The following PPARGC1A variants were observed in gnomAD, a reference collection of about 807,000 sequenced individuals.
The protein encoded by PPARGC1A is PPARG coactivator 1 alpha, also known as peroxisome proliferator-activated receptor gamma coactivator 1-alpha.
A neutral mutation model predicts 88.7 loss-of-function variants in PPARGC1A; 25 were observed. The ratio of observed to expected loss-of-function variants is 0.28; its 90% confidence interval spans 0.21 to 0.39. The LOEUF is 0.39. Among genes scored for constraint, PPARGC1A ranks in the 10% least tolerant of loss-of-function variants. The pLI, the probability that PPARGC1A is intolerant of heterozygous loss-of-function variation, is 1.00. For missense variants in PPARGC1A, 880 were observed against 968.7 expected, an observed-to-expected ratio of 0.91 and a Z score of 1.22; for synonymous variants, 363 against 355.6, an observed-to-expected ratio of 1.02 and a Z score of -0.24.
At chr4:24,228,417 T>C in the PPARGC1A span, among the ~76,000 whole-genome samples, 10 of 152,232 alleles carry the variant, frequency 6.6e-5, no homozygotes, top group Admixed American at 4.6e-4. Context: ...CCAGATCTTC[T>C]CTCTTATAAG....
chr4:24,411,263 A>G, the PPARGC1A span, among the ~76,000 whole-genome samples: 1 of 152,232 alleles, frequency 6.6e-6, no homozygotes, highest in Non-Finnish European at 1.5e-5. Context: ...TTTGGATAGC[A>G]GCTTCCCATT....
At chr4:23,928,761 C>CAAAAAAAAAAAA in the PPARGC1A span, among the ~76,000 whole-genome samples, 1 of 8,420 alleles carries the variant, frequency 1.2e-4, no homozygotes, top group African/African-American at 3.4e-4. Flanking sequence ...CACAAAAAAA[C>CAAAAAAAAAAAA]AAAAAAAACA....
At chr4:24,216,109 C>T in the PPARGC1A span, among the ~76,000 whole-genome samples, 1 of 150,846 alleles carries the variant, frequency 6.6e-6, no homozygotes, top group East Asian at 2.0e-4. Flanking sequence ...GGAACAACCT[C>T]ACAACAAAGG....
chr4:24,288,408 A>C, the PPARGC1A span, among the ~76,000 whole-genome samples: 2 of 152,150 alleles, frequency 1.3e-5, no homozygotes, highest in Admixed American at 1.3e-4. Flanking sequence ...CCCTCAGGAG[A>C]TTACAAAGTC....
intron 10 of PPARGC1A, among the ~76,000 whole-genome samples, chr4:23,805,746 A>G (rs1245614935): frequency 6.6e-6 from 1 of 152,138 alleles, no homozygotes; most frequent in Non-Finnish European, 1.5e-5. Context: ...TTTTTTTTTA[A>G]TGAGCCTTTT....
the PPARGC1A span, among the ~76,000 whole-genome samples, chr4:24,251,602 C>T: frequency 6.6e-6 from 1 of 152,206 alleles, no homozygotes; most frequent in Non-Finnish European, 1.5e-5. Context: ...TTAATGACAG[C>T]CACTTGAGCA....
chr4:24,207,787 A>G, the PPARGC1A span, among the ~76,000 whole-genome samples: 1 of 152,224 alleles, frequency 6.6e-6, no homozygotes, highest in Admixed American at 6.5e-5. Context: ...AACTAGCCAG[A>G]GGAAATAAGG....
chr4:23,897,561 A>T (rs895027955), intron 1 of PPARGC1A, among the ~76,000 whole-genome samples: 15 of 152,202 alleles, frequency 9.9e-5, no homozygotes, highest in African/African-American at 3.4e-4. Context: ...CAACTCAGGA[A>T]GCCTTCTTTG....
chr4:24,154,623 A>C, the PPARGC1A span, among the ~76,000 whole-genome samples: 5 of 152,282 alleles, frequency 3.3e-5, no homozygotes, highest in East Asian at 9.7e-4. Flanking sequence ...GGTGAAGCGC[A>C]TGTCCCGTTC....
chr4:24,021,839 A>C, the PPARGC1A span, among the ~76,000 whole-genome samples: 1 of 152,232 alleles, frequency 6.6e-6, no homozygotes, highest in Non-Finnish European at 1.5e-5. Flanking sequence ...TCCCTGTCTC[A>C]GTTCACCTAT....
intron 2 of PPARGC1A, among the ~76,000 whole-genome samples, chr4:23,844,804 TTATTA>T (rs1727948554): frequency 7.9e-6 from 1 of 125,994 alleles, no homozygotes; most frequent in Non-Finnish European, 1.6e-5. Flanking sequence ...ATGATATATA[TTATTA>T]TAATATATGA....
At chr4:24,000,011 T>A in the PPARGC1A span, among the ~76,000 whole-genome samples, 1 of 152,152 alleles carries the variant, frequency 6.6e-6, no homozygotes, top group Non-Finnish European at 1.5e-5. Context: ...GCACAGTGAC[T>A]CAGAGCGAAT....
In PPARGC1A at chr4:23,843,534, C is replaced by T. The variant is rs77943315; in HGVS notation, c.235-11783G>A. Among the ~76,000 whole-genome samples, 1,413 of 152,048 alleles carry T rather than the reference C, an allele frequency of 9.3e-3. 13 individuals are homozygous for T. Among genetic ancestry groups the T allele is most frequent in the African/African-American group, 0.03 (1,246 of 41,464 alleles). On this transcript the variant is annotated intron_variant, in intron 2 of 12. Coordinates refer to ENST00000264867, the MANE Select transcript of PPARGC1A (RefSeq NM_013261.5). ...TAACAATAACATTATCATTTTCATG[C>T]ACTAAATTGAATTCAAAATAAGTGA...
the PPARGC1A span, among the ~76,000 whole-genome samples, chr4:23,990,252 G>A: frequency 0.17 from 25,982 of 149,890 alleles, 2,719 homozygotes; most frequent in Admixed American, 0.3. Flanking sequence ...AATAAATTGA[G>A]CCTTTTTGTT....
chr4:24,145,893 TC>T, the PPARGC1A span, among the ~76,000 whole-genome samples: 1 of 152,170 alleles, frequency 6.6e-6, no homozygotes, highest in African/African-American at 2.4e-5. Flanking sequence ...GCTTGAAACT[TC>T]CACAAGGACG....
chr4:24,348,274 C>A, the PPARGC1A span, among the ~76,000 whole-genome samples: 1 of 152,216 alleles, frequency 6.6e-6, no homozygotes, highest in Non-Finnish European at 1.5e-5. Flanking sequence ...AACCGGATCA[C>A]AATGTGCCTA....
At chr4:23,840,225 G>C (rs1726820883) in intron 2 of PPARGC1A, among the ~76,000 whole-genome samples, 1 of 151,940 alleles carries the variant, frequency 6.6e-6, no homozygotes, top group Admixed American at 6.6e-5. Flanking sequence ...TTTTGAGAGG[G>C]AGAGCGGATA....
At chr4:24,245,925 G>GCA in the PPARGC1A span, among the ~76,000 whole-genome samples, 15,172 of 148,208 alleles carry the variant, frequency 0.1, 727 homozygotes, top group Admixed American at 0.11. Flanking sequence ...AAAGCCATGT[G>GCA]CACACACACA....
At chr4:23,859,095 A>G (rs1160846224) in intron 2 of PPARGC1A, among the ~76,000 whole-genome samples, 1 of 152,132 alleles carries the variant, frequency 6.6e-6, no homozygotes, top group East Asian at 1.9e-4. Flanking sequence ...CCAGTACATG[A>G]TTCAAATACA....
Sources: allele counts gnomAD v4.1 joint callset (sites outside exome capture counted in the v4.1 genomes callset), GRCh38; gene constraint gnomAD v4.1.1; transcripts MANE v1.5; gene names NCBI Gene and HGNC (gene_info 2026-07-23, HGNC 2026-07-21).